The following DNA2 variants were observed in gnomAD, a reference collection of about 807,000 sequenced individuals.
The protein encoded by DNA2 is DNA replication ATP-dependent helicase/nuclease DNA2.
In DNA2, 101 loss-of-function variants were observed where a neutral mutation model predicts 119.1. The observed-to-expected ratio is 0.85, with a 90% CI of 0.72 to 1.00. DNA2 has a LOEUF of 1.00. DNA2 is among the 50% of genes least tolerant of loss of function. DNA2 has a pLI of 0.00. For missense variants in DNA2, 1,121 were observed against 1,255.5 expected (o/e 0.89, Z 1.62); for synonymous variants, 366 against 424.4 (o/e 0.86, Z 1.69).
intron 4 of DNA2, among the ~76,000 whole-genome samples, chr10:68,462,337 A>G (rs2052270647): frequency 1.3e-5 from 2 of 152,004 alleles, no homozygotes; most frequent in East Asian, 1.9e-4. Context: ...TGCCATTGCA[A>G]TCCAGCCTGG....
intron 5 of DNA2, among the ~76,000 whole-genome samples, chr10:68,458,637 T>A (rs1183971628): frequency 1.3e-5 from 2 of 151,320 alleles, no homozygotes; most frequent in Admixed American, 1.3e-4. Flanking sequence ...TCACCTGAAG[T>A]TAGGAGTTCG....
intron 10 of DNA2, among the ~76,000 whole-genome samples, chr10:68,435,276 T>A (rs2051873001): frequency 6.6e-6 from 1 of 151,696 alleles, no homozygotes; most frequent in South Asian, 2.1e-4. Context: ...CTCAAACTCC[T>A]GGTCTCAAGC....
chr10:68,457,129 A>G (rs375767880), intron 5 of DNA2, among the ~76,000 whole-genome samples: 409 of 149,076 alleles, frequency 2.7e-3, no homozygotes, highest in African/African-American at 7.4e-3. Context: ...GCGAGACTCC[A>G]TCTCAAAAAA....
At chr10:68,416,587 C>T (rs978307738) in intron 20 of DNA2, 122 bp downstream of exon 20, 12 of 960,056 alleles carry the variant, frequency 1.2e-5, no homozygotes, top group South Asian at 3.1e-5. Context: ...ACAGGAGGAT[C>T]GCTTGAGCCC....
At chr10:68,417,061 C>T (rs1283883165) in intron 19 of DNA2, among the ~76,000 whole-genome samples, 1 of 152,002 alleles carries the variant, frequency 6.6e-6, no homozygotes. Context: ...CCGTGCAACA[C>T]AGTGAGACCC....
At position 68,443,061 on chromosome 10, in the gene DNA2, G is replaced by A; in HGVS notation, c.1271C>T (p.Pro424Leu). Residue 424 changes from proline to leucine, a missense_variant, in exon 9 of 21, where the codon CCC becomes CTC. Physicochemically the swap from Pro to Leu is moderately conservative, Grantham distance 98. Transcript: ENST00000358410. ...DCSSVPIVML[P>L]KIEEETQHLK... is the part of the protein sequence containing the mutation. ...ATGCTGGGTTTCTTCTTCTATTTTG[G>A]GCAGCATCACAATTGGGACTGAACT... The A allele has an allele frequency of 6.3e-7, 1 of 1,589,414 alleles. No homozygotes were observed. The highest frequency in any genetic ancestry group is 8.6e-7 in the Non-Finnish European group (1 of 1,166,704).
chr10:68,452,935 C>G (rs1358075532), intron 5 of DNA2, among the ~76,000 whole-genome samples: 2 of 149,560 alleles, frequency 1.3e-5, no homozygotes, highest in East Asian at 2.0e-4. Context: ...GAATCTCGCT[C>G]TGTCGCAGAG....
intron 10 of DNA2, among the ~76,000 whole-genome samples, chr10:68,432,877 G>A (rs764281551): frequency 1.3e-5 from 2 of 152,064 alleles, no homozygotes; most frequent in African/African-American, 4.8e-5. Context: ...CCTTCTCCCT[G>A]TCTTCTATCT....
At chr10:68,452,427 G>C (rs1000331511) in intron 5 of DNA2, among the ~76,000 whole-genome samples, 1 of 152,078 alleles carries the variant, frequency 6.6e-6, no homozygotes, top group African/African-American at 2.4e-5. Context: ...TTCACGGTGT[G>C]TATTCAGATA....
intron 14 of DNA2, among the ~76,000 whole-genome samples, chr10:68,426,162 G>A (rs1474002441): frequency 1.3e-5 from 2 of 151,738 alleles, no homozygotes; most frequent in African/African-American, 4.8e-5. Context: ...AGCATCTGGG[G>A]CTAGACAGAG....
intron 8 of DNA2, among the ~76,000 whole-genome samples, chr10:68,443,812 G>A (rs2052001368): frequency 6.6e-6 from 1 of 151,882 alleles, no homozygotes; most frequent in Non-Finnish European, 1.5e-5. Flanking sequence ...TTAGCCAGGT[G>A]TGGTGGCGGA....
intron 7 of DNA2, among the ~76,000 whole-genome samples, chr10:68,446,013 A>T (rs1158665297): frequency 6.6e-6 from 1 of 151,936 alleles, no homozygotes; most frequent in Non-Finnish European, 1.5e-5. Flanking sequence ...AATCCTAGCT[A>T]CTCAGGAGAC....
chr10:68,444,745 A>G (rs1268959223), intron 8 of DNA2, among the ~76,000 whole-genome samples, 176 bp downstream of exon 8: 1 of 151,782 alleles, frequency 6.6e-6, no homozygotes, highest in African/African-American at 2.4e-5. Flanking sequence ...AAAAAAAAGA[A>G]AGAAAGTACT....
intron 14 of DNA2, among the ~76,000 whole-genome samples, chr10:68,425,818 A>C (rs905508474): frequency 7.9e-5 from 12 of 151,808 alleles, no homozygotes; most frequent in Non-Finnish European, 1.8e-4. Flanking sequence ...TCAAAAAAAA[A>C]ACAAAAACCC....
At chr10:68,427,650 A>AACACACACACACAC (rs151180015) in intron 14 of DNA2, among the ~76,000 whole-genome samples, 3,276 of 140,180 alleles carry the variant, frequency 0.023, 38 homozygotes, top group African/African-American at 0.039. Context: ...CCTTGTCTCA[A>AACACACACACACAC]ACACACACAC....
chr10:68,459,894 G>T (rs770650403), intron 4 of DNA2, among the ~76,000 whole-genome samples: 1 of 151,964 alleles, frequency 6.6e-6, no homozygotes, highest in African/African-American at 2.4e-5. Context: ...AGGCATGGTG[G>T]TGCATGCCTG....
intron 5 of DNA2, among the ~76,000 whole-genome samples, chr10:68,454,929 A>G (rs2052164592): frequency 7.3e-6 from 1 of 137,716 alleles, no homozygotes; most frequent in African/African-American, 2.7e-5. Context: ...GCAGTTGAAG[A>G]TAAAATTAGG....
At chr10:68,450,879 A>C (rs1303291351) in intron 5 of DNA2, among the ~76,000 whole-genome samples, 1 of 152,168 alleles carries the variant, frequency 6.6e-6, no homozygotes, top group African/African-American at 2.4e-5. Flanking sequence ...CAAGCAGATC[A>C]CTTGAGTTCA....
intron 13 of DNA2, 105 bp from the exon 14 acceptor site, chr10:68,430,765 C>T: frequency 1.1e-6 from 1 of 902,166 alleles, no homozygotes; most frequent in South Asian, 1.9e-5. Flanking sequence ...AGAGCTGAGC[C>T]AAGTAAAAAT....
Sources: gnomAD v4.1 joint callset for allele counts (sites outside exome capture counted in the v4.1 genomes callset) on GRCh38, gnomAD v4.1.1 for gene constraint, MANE v1.5 for transcripts, NCBI Gene and HGNC (gene_info 2026-07-23, HGNC 2026-07-21) for gene names.